SPIN3: variants seen among roughly 807,000 people sequenced by gnomAD.
SPIN3 encodes spindlin-3.
For synonymous variants in SPIN3, 74 were observed against 74.3 expected, an observed-to-expected ratio of 1.00 and a Z score of 0.02; for missense variants, 176 against 196.4, an observed-to-expected ratio of 0.90 and a Z score of 0.62.
At chrX:56,988,809 C>A (rs1924273544), downstream of SPIN3, among the ~76,000 whole-genome samples, 1 of 111,318 alleles carries the variant, frequency 9.0e-6, no homozygotes, top group Non-Finnish European at 1.9e-5. Flanking sequence ...CTGGTGTGTA[C>A]TAAAGTGAGA....
downstream of SPIN3, among the ~76,000 whole-genome samples, chrX:56,986,107 C>A (rs1924216382): frequency 9.0e-6 from 1 of 111,061 alleles, no homozygotes; most frequent in Non-Finnish European, 1.9e-5. Flanking sequence ...GTTAGCCTCC[C>A]CTTGCTTGAA....
At chrX:56,983,630 C>T (rs1924165537) in intron 3 of SPIN3, among the ~76,000 whole-genome samples, 1 of 112,394 alleles carries the variant, frequency 8.9e-6, no homozygotes, top group Non-Finnish European at 1.9e-5. Flanking sequence ...CTAAGGCCAA[C>T]GAATATCTAC....
chrX:56,977,663 T>A (rs186860111), intron 5 of SPIN3: 1 of 112,417 alleles, frequency 8.9e-6, no homozygotes, highest in African/African-American at 3.2e-5. Context: ...TGAAACTTAA[T>A]CTCCAATGTG....
downstream of SPIN3, among the ~76,000 whole-genome samples, chrX:56,988,699 T>A (rs766824425): frequency 7.6e-4 from 85 of 111,544 alleles, no homozygotes; most frequent in African/African-American, 2.7e-3. Context: ...GGGAACTTGT[T>A]ATAAATATAA....
chrX:56,989,576 G>T (rs1924288368), downstream of SPIN3, among the ~76,000 whole-genome samples: 1 of 111,560 alleles, frequency 9.0e-6, no homozygotes, highest in Non-Finnish European at 1.9e-5. Flanking sequence ...TGCACAGCAG[G>T]AGGTGAGTGG....
downstream of SPIN3, among the ~76,000 whole-genome samples, chrX:56,988,637 C>T (rs1188708908): frequency 1.8e-5 from 2 of 110,945 alleles, no homozygotes; most frequent in Non-Finnish European, 3.8e-5. Context: ...TCAATTGCCA[C>T]CTATAAATCA....
intron 3 of SPIN3, chrX:56,984,220 C>T: frequency 5.4e-6 from 1 of 184,191 alleles, no homozygotes; most frequent in Non-Finnish European, 1.0e-5. Flanking sequence ...TTGCTTTCTG[C>T]CGTGTTATAG....
downstream of SPIN3, among the ~76,000 whole-genome samples, chrX:56,990,033 G>A (rs187613925): frequency 2.7e-5 from 3 of 110,389 alleles, no homozygotes; most frequent in African/African-American, 9.9e-5. Context: ...AACAATTGGG[G>A]ACCACTGCCC....
rs373942090 is a variant in SPIN3, at chrX:56,994,300, G to A, written c.648C>T (p.Tyr216=). 111 of 1,210,278 alleles carry A rather than the reference G, an allele frequency of 9.2e-5. No individual in the cohort carries two copies. Among genetic ancestry groups the A allele is most frequent in the Non-Finnish European group, 1.2e-4 (107 of 895,339 alleles). The change falls in exon 2 of 2, where the codon TAC becomes TAT. Residue 216 remains tyrosine (Y), a synonymous_variant. Coordinates refer to ENST00000374919, the MANE Select transcript of SPIN3 (RefSeq NM_001010862.3). ...IDSLVGKQVE[Y]AKDDGSKRTG... ...TTCTCTTGGAGCCATCGTCTTTGGCGTATTCCACCTGTTTGCCTACCAGGC... is the reference window on the plus strand; with the variant it reads ...TTCTCTTGGAGCCATCGTCTTTGGCATATTCCACCTGTTTGCCTACCAGGC...
downstream of SPIN3, among the ~76,000 whole-genome samples, chrX:56,989,072 T>C (rs755683498): frequency 1.4e-3 from 158 of 112,011 alleles, no homozygotes; most frequent in African/African-American, 4.8e-3. Flanking sequence ...GAAGCTACTA[T>C]GTATTGTTTC....
At position 56,991,811 on chromosome X, in the gene SPIN3, C is replaced by T. The variant is rs1248495371; in HGVS notation, c.*2360G>A. Reference sequence around the variant, plus strand: ...TTAAATTAACTCTAAGGCTACATTACACCCTAGACTGAAAATTTGATCACA... The same window carrying T: ...TTAAATTAACTCTAAGGCTACATTATACCCTAGACTGAAAATTTGATCACA... On this transcript the variant is annotated 3_prime_UTR_variant, in exon 2 of 2. Transcript: ENST00000374919. The T allele has an allele frequency of 3.1e-5, 6 of 192,460 alleles. No individual in the cohort carries two copies. Among genetic ancestry groups the T allele is most frequent in the Non-Finnish European group, 5.7e-5 (6 of 105,267 alleles). The allele number at this position is 192,460 out of a possible 1,213,427, so 15.9% of individuals were successfully genotyped here.
Position 56,995,202 on chromosome X carries a change from G to A in SPIN3, c.-3+14C>T. The A allele has an allele frequency of 3.0e-6, 1 of 331,433 alleles. No homozygotes were observed. The allele number at this position is 331,433 out of a possible 1,213,427, so 27.3% of individuals were successfully genotyped here. On this transcript the variant is annotated intron_variant, in intron 1 of 1. Transcript: ENST00000374919. ...AGCGTTTCCCCATTCCCCTCGCCCT[G>A]CTTCCAACACTACCCGGCCAGGAGG...
Position 56,994,644 on chromosome X carries a change from C to A in SPIN3, c.304G>T (p.Glu102Ter). The A allele has an allele frequency of 8.3e-7, 1 of 1,211,826 alleles. No homozygotes were observed. Among genetic ancestry groups the A allele is most frequent in the Non-Finnish European group, 1.1e-6 (1 of 895,514 alleles). ...CVYGLELHRD[E>*]RVSSLEVLPN... is the part of the protein sequence containing the mutation. ...AGGACTTCAAGTGATGACACTCTTT[C>A]ATCTCTGTGAAGTTCCAATCCATAA... The change falls in exon 2 of 2, where the codon GAA becomes TAA. Residue 102 changes from glutamate to a stop codon, truncating the protein, a stop_gained. Transcript: ENST00000374919. LOFTEE classifies it low-confidence loss of function (END_TRUNC).
At chrX:56,984,219 G>C (rs896239033) in intron 3 of SPIN3, 1 of 183,194 alleles carries the variant, frequency 5.5e-6, no homozygotes, top group Non-Finnish European at 1.0e-5. Context: ...TTTGCTTTCT[G>C]CCGTGTTATA....
chrX:56,976,048 C>T (rs1035862338), downstream of SPIN3: 3 of 111,297 alleles, frequency 2.7e-5, no homozygotes, highest in African/African-American at 6.5e-5. Context: ...CAGAATGCGA[C>T]GTTTGGGAGA....
chrX:56,994,524 C>T lies in SPIN3; in HGVS notation c.424G>A (p.Gly142Ser). 8.3e-7 allele frequency: 1 copy of T among 1,211,731 alleles called. No individual in the cohort carries two copies. The highest frequency in any genetic ancestry group is 1.1e-6 in the Non-Finnish European group (1 of 895,521). Residue 142 changes from glycine to serine, a missense_variant, in exon 2 of 2, where the codon GGT becomes AGT. By Grantham distance (56) the Gly-to-Ser change is moderately conservative. Transcript: ENST00000374919. ...ATCCCCCTCCATTCATTTTTGGAAC[C>T]TTCCTCTGTCTCAAAAATATGTTCC... ...AVEHIFETEE[G>S]SKNEWRGMVL...
chrX:56,983,692 T>A (rs1403152186), intron 3 of SPIN3, among the ~76,000 whole-genome samples: 1 of 112,518 alleles, frequency 8.9e-6, no homozygotes, highest in Non-Finnish European at 1.9e-5. Context: ...TCCATGGGAA[T>A]CAACAGTTTC....
At chrX:56,988,873 T>G (rs1290863649), downstream of SPIN3, among the ~76,000 whole-genome samples, 1 of 111,452 alleles carries the variant, frequency 9.0e-6, no homozygotes, top group African/African-American at 3.3e-5. Flanking sequence ...AACCTCCAAT[T>G]GTTCAACCCC....
intron 3 of SPIN3, chrX:56,984,194 G>A (rs1924175985): frequency 5.7e-6 from 1 of 174,496 alleles, no homozygotes; most frequent in African/African-American, 3.1e-5. Flanking sequence ...TTTGACACTT[G>A]TTCCATCCAT....
Sources: gnomAD v4.1 joint callset for allele counts (sites outside exome capture counted in the v4.1 genomes callset) on GRCh38, gnomAD v4.1.1 for gene constraint, MANE v1.5 for transcripts, NCBI Gene and HGNC (gene_info 2026-07-23, HGNC 2026-07-21) for gene names.